RGS22: variants seen among roughly 807,000 people sequenced by gnomAD.
The protein encoded by RGS22 is regulator of G-protein signaling 22.
A neutral mutation model predicts 172.9 loss-of-function variants in RGS22; 148 were observed. The ratio of observed to expected loss-of-function variants is 0.86; its 90% CI spans 0.75 to 0.98. The LOEUF (loss-of-function observed/expected upper bound fraction) is 0.98, where lower values mean the gene tolerates loss of function less well. Among genes scored for constraint, RGS22 ranks in the 50% least tolerant of loss-of-function variants. The probability of loss-of-function intolerance (pLI) is 0.00; values close to 1 mark genes in which losing one functional copy is unlikely to be tolerated. For synonymous variants in RGS22, 458 were observed against 480.2 expected (o/e 0.95, Z 0.60); for missense variants, 1,347 against 1,440.8 (o/e 0.93, Z 1.05).
intron 9 of RGS22, among the ~76,000 whole-genome samples, chr8:100,059,443 C>T (rs1325212273): frequency 6.6e-6 from 1 of 150,498 alleles, no homozygotes. Flanking sequence ...GATGGAAAAA[C>T]ATGTTCCATG....
intron 20 of RGS22, among the ~76,000 whole-genome samples, chr8:99,992,528 A>T (rs1050816034): frequency 1.1e-4 from 16 of 152,224 alleles, no homozygotes; most frequent in African/African-American, 3.9e-4. Context: ...GAAGGCCGTT[A>T]CATAATGCTA....
At position 100,012,930 on chromosome 8, in the gene RGS22, G is replaced by C. The variant is rs137915113; in HGVS notation, c.2167-4361C>G. On this transcript the variant is annotated intron_variant, in intron 14 of 27. Transcript: ENST00000360863. ...CAAATTCTCATATGTTGAGCATTCTGGTTAGTAAAAGAAAAGTTCTCATAT... is the reference window on the plus strand; with the variant it reads ...CAAATTCTCATATGTTGAGCATTCTCGTTAGTAAAAGAAAAGTTCTCATAT... 2.4e-3 allele frequency among the ~76,000 whole-genome samples: 358 copies of C among 150,428 alleles called. 3 individuals are homozygous for C. Among genetic ancestry groups the C allele is most frequent in the African/African-American group, 8.2e-3 (337 of 40,968 alleles).
chr8:100,068,760 C>T (rs1397522241), intron 6 of RGS22, among the ~76,000 whole-genome samples: 7 of 151,850 alleles, frequency 4.6e-5, no homozygotes, highest in African/African-American at 1.2e-4. Context: ...GGCAAAACCC[C>T]GTCTCTACAA....
Position 100,041,910 on chromosome 8 carries a change from C to T in RGS22, c.1830G>A (p.Lys610=), listed in dbSNP as rs907196416. 6.3e-7 allele frequency: 1 copy of T among 1,597,016 alleles called. No individual in the cohort carries two copies. The highest frequency in any genetic ancestry group is 1.3e-5 in the African/African-American group (1 of 74,544). The change falls in exon 12 of 28, where the codon AAG becomes AAA. Residue 610 remains lysine (K), a synonymous_variant. Transcript: ENST00000360863. ...SKDDVIEKGS[K]YMSESSKVIH... ...TGACTTTGCTGCTTTCTGACATGTA[C>T]TTTGACCTAAATTATAAGGATGAGA...
chr8:100,001,088 A>G lies in RGS22; in HGVS notation c.2790+1114T>C, dbSNP rs951653596. 1.8e-4 allele frequency among the ~76,000 whole-genome samples: 28 copies of G among 151,382 alleles called. 1 individual carries two copies. The highest frequency in any genetic ancestry group is 2.7e-4 in the Non-Finnish European group (18 of 67,890). ...TTTAGGTATGAATGTAATATTAACA[A>G]ACTTCAAGCTAAATAAATTATGATA... is the stretch of plus-strand genomic sequence containing the variant. On this transcript the variant is annotated intron_variant, in intron 18 of 27. Coordinates refer to ENST00000360863, the MANE Select transcript of RGS22 (RefSeq NM_015668.5).
At chr8:100,019,961 C>G (rs915045663) in intron 14 of RGS22, among the ~76,000 whole-genome samples, 3 of 28,582 alleles carry the variant, frequency 1.0e-4, no homozygotes, top group African/African-American at 3.3e-4. Flanking sequence ...CTCGGCTCAC[C>G]GCAACCTCCG....
At chr8:100,024,601 A>G (rs1052366955) in intron 14 of RGS22, among the ~76,000 whole-genome samples, 7 of 152,224 alleles carry the variant, frequency 4.6e-5, no homozygotes, top group Admixed American at 4.6e-4. Flanking sequence ...TTGACATTTA[A>G]TGTTCATAAA....
intron 23 of RGS22, among the ~76,000 whole-genome samples, chr8:99,973,886 A>C (rs1811642787): frequency 6.6e-6 from 1 of 151,802 alleles, no homozygotes; most frequent in African/African-American, 2.4e-5. Flanking sequence ...AAAAAAACAA[A>C]AAAAACCCAA....
At chr8:100,087,865 C>T (rs1329300068) in intron 3 of RGS22, among the ~76,000 whole-genome samples, 1 of 151,936 alleles carries the variant, frequency 6.6e-6, no homozygotes, top group Non-Finnish European at 1.5e-5. Context: ...AATAATGTGC[C>T]ACATAAAATG....
intron 2 of RGS22, among the ~76,000 whole-genome samples, chr8:100,094,392 A>G (rs559297546): frequency 4.7e-4 from 72 of 152,256 alleles, no homozygotes; most frequent in African/African-American, 1.5e-3. Context: ...ATACTGGCCA[A>G]TTTTTAAAAA....
intron 14 of RGS22, among the ~76,000 whole-genome samples, chr8:100,028,060 G>C (rs1023553591): frequency 6.6e-6 from 1 of 151,848 alleles, no homozygotes; most frequent in African/African-American, 2.4e-5. Flanking sequence ...ACCCTTCATA[G>C]ACCTTGGTAG....
rs537584842 is a variant in RGS22 at position 100,057,165 on chromosome 8, C to A, written c.1515-4189G>T. ...TTTTGGACTTGCATGGGGCCTGTAG[C>A]CCTTTCGTTTTGGCCAATTTTTCCC... On this transcript the variant is annotated intron_variant, in intron 9 of 27. Coordinates refer to ENST00000360863, the MANE Select transcript of RGS22 (RefSeq NM_015668.5). Among the ~76,000 whole-genome samples the A allele has an allele frequency of 5.3e-5, 8 of 152,286 alleles. No homozygotes were observed. The South Asian group carries it at 1.7e-3, about 32-fold the overall frequency.
chr8:100,093,339 T>A (rs1015985177), intron 3 of RGS22, 108 bp downstream of exon 3: 4 of 640,686 alleles, frequency 6.2e-6, no homozygotes, highest in African/African-American at 5.7e-5. Context: ...GCTTTAATAT[T>A]TTTTTAAAAA....
chr8:100,001,219 T>TATATATATATATATATATATACATAC (rs1402594104), intron 18 of RGS22, among the ~76,000 whole-genome samples: 11 of 132,948 alleles, frequency 8.3e-5, no homozygotes, highest in African/African-American at 3.1e-4. Flanking sequence ...TATATATATA[T>TATATATATATATATATATATACATAC]ACATATATAT....
At chr8:100,045,462 A>G (rs1820617437) in intron 11 of RGS22, among the ~76,000 whole-genome samples, 1 of 152,196 alleles carries the variant, frequency 6.6e-6, no homozygotes, top group Non-Finnish European at 1.5e-5. Flanking sequence ...AAAATAATGT[A>G]GAAATAGTTC....
chr8:99,962,786 G>A lies in RGS22; in HGVS notation c.3710-19C>T, dbSNP rs145931501. Reference sequence around the variant, plus strand: ...TGCAAGCCTGCACAAAAATAAAAGAGATAAGAAAAACAGTAAAGTAAATAT... The same window carrying A: ...TGCAAGCCTGCACAAAAATAAAAGAAATAAGAAAAACAGTAAAGTAAATAT... On this transcript the variant is annotated intron_variant, in intron 25 of 27. Transcript: ENST00000360863. The A allele has an allele frequency of 1.6e-4, 255 of 1,591,922 alleles. 3 individuals are homozygous for A. In the African/African-American group the frequency reaches 3.0e-3, roughly 19 times the overall value.
chr8:100,076,745 C>T (rs1648545132), intron 4 of RGS22, among the ~76,000 whole-genome samples: 1 of 152,180 alleles, frequency 6.6e-6, no homozygotes, highest in African/African-American at 2.4e-5. Flanking sequence ...GTAATCCCAG[C>T]ACTTTGGGAG....
Position 100,031,981 on chromosome 8 carries a change from A to T in RGS22, c.2166+6950T>A, listed in dbSNP as rs1032613232. Reference sequence around the variant, plus strand: ...CAAGCAAATGCTGAGAGATTTTGTCACCACCAGGCCTGCCTTACAAGAACT... The same window carrying T: ...CAAGCAAATGCTGAGAGATTTTGTCTCCACCAGGCCTGCCTTACAAGAACT... On this transcript the variant is annotated intron_variant, in intron 14 of 27. Coordinates refer to ENST00000360863, the MANE Select transcript of RGS22 (RefSeq NM_015668.5). Among the ~76,000 whole-genome samples, 11 of 152,296 alleles carry T rather than the reference A, an allele frequency of 7.2e-5. No individual in the cohort carries two copies. In the Middle Eastern group the frequency reaches 0.01, roughly 141 times the overall value.
At chr8:100,008,028 A>AT (rs1164223168) in intron 15 of RGS22, among the ~76,000 whole-genome samples, 3 of 150,382 alleles carry the variant, frequency 2.0e-5, no homozygotes, top group African/African-American at 7.3e-5. Flanking sequence ...TTTTTATTTT[A>AT]TTTTTTATTT....
Sources: gnomAD v4.1 joint callset for allele counts (sites outside exome capture counted in the v4.1 genomes callset) on GRCh38, gnomAD v4.1.1 for gene constraint, MANE v1.5 for transcripts, NCBI Gene and HGNC (gene_info 2026-07-23, HGNC 2026-07-21) for gene names.